CSTF3: variants seen among roughly 807,000 people sequenced by gnomAD.
CSTF3 encodes the protein CF-1 77 kDa subunit.
In CSTF3, 29 loss-of-function variants were observed where a neutral mutation model predicts 105.8. The ratio of observed to expected loss-of-function variants is 0.27; its 90% confidence interval spans 0.20 to 0.37. The LOEUF (loss-of-function observed/expected upper bound fraction) is 0.37, where lower values mean the gene tolerates loss of function less well. Among genes scored for constraint, CSTF3 ranks in the 10% least tolerant of loss-of-function variants. The pLI, the probability that CSTF3 is intolerant of heterozygous loss-of-function variation, is 1.00. For synonymous variants in CSTF3, 252 were observed against 281.9 expected, an observed-to-expected ratio of 0.89 and a Z score of 1.06; for missense variants, 357 against 879.3, an observed-to-expected ratio of 0.41 and a Z score of 7.51.
rs1462786144 is a variant in CSTF3 at position 33,085,700 on chromosome 11, TTC to T, written c.1951+11_1951+12del. On this transcript the variant is annotated intron_variant, in intron 20 of 20. Transcript: ENST00000323959. ...GTGGAATGACACTCTGAAATGGAGC[TTC>T]TGTTACTTACTATTTGGTATCTTGC... 3.1e-6 allele frequency: 5 copies of T among 1,600,068 alleles called. No individual in the cohort carries two copies. In the African/African-American group the frequency reaches 5.4e-5, roughly 17 times the overall value.
At position 33,141,873 on chromosome 11, in the gene CSTF3, A is replaced by AT. The variant is rs765273424; in HGVS notation, c.129+11dup. 3 of 1,585,262 alleles carry AT rather than the reference A, an allele frequency of 1.9e-6. No homozygotes were observed. The South Asian group carries it at 3.5e-5, about 18-fold the overall frequency. ...CCCATAGAGAAGGAAATGTAATCCT[A>AT]TATCACTAAACCTGTGCCTCTCGAA... is the stretch of plus-strand genomic sequence containing the variant. On this transcript the variant is annotated intron_variant, in intron 2 of 20. Coordinates refer to ENST00000323959, the MANE Select transcript of CSTF3 (RefSeq NM_001326.3).
chr11:33,148,860 G>GTTTTTTTTT, intron 1 of CSTF3, among the ~76,000 whole-genome samples: 1 of 133,686 alleles, frequency 7.5e-6, no homozygotes. Context: ...CTGTTGCTGT[G>GTTTTTTTTT]TTTTTTTTTT....
chr11:33,160,227 G>C (rs1849922015), intron 1 of CSTF3, among the ~76,000 whole-genome samples: 1 of 151,926 alleles, frequency 6.6e-6, no homozygotes, highest in Admixed American at 6.6e-5. Context: ...ACCAGTCCTC[G>C]GGCAAACACA....
intron 9 of CSTF3, among the ~76,000 whole-genome samples, 154 bp from the exon 10 acceptor site, chr11:33,102,493 G>A (rs1357424919): frequency 6.6e-6 from 1 of 152,112 alleles, no homozygotes; most frequent in Non-Finnish European, 1.5e-5. Context: ...AGAGTAGAGA[G>A]AAAGATAAGA....
intron 1 of CSTF3, among the ~76,000 whole-genome samples, chr11:33,143,260 T>C (rs935989805): frequency 1.3e-4 from 20 of 152,188 alleles, no homozygotes; most frequent in African/African-American, 4.6e-4. Flanking sequence ...TGATTTTTTT[T>C]CCCCTTTTCT....
intron 4 of CSTF3, 67 bp downstream of exon 4, chr11:33,108,319 T>A (rs1015288492): frequency 7.9e-7 from 1 of 1,267,810 alleles, no homozygotes; most frequent in South Asian, 1.8e-5. Context: ...TTTTACTACA[T>A]CTGTCTTATA....
chr11:33,139,953 T>C (rs557037811), intron 3 of CSTF3, among the ~76,000 whole-genome samples: 6 of 152,088 alleles, frequency 3.9e-5, no homozygotes, highest in South Asian at 2.1e-4. Flanking sequence ...AACAAACCCA[T>C]TGTGTTCAGA....
Position 33,085,126 on chromosome 11 carries a change from A to C in CSTF3, c.2115T>G (p.His705Gln), listed in dbSNP as rs746228185. 1 of 1,614,162 alleles carries C rather than the reference A, an allele frequency of 6.2e-7. No homozygotes were observed. Residue 705 changes from histidine to glutamine, a missense_variant, in exon 21 of 21, where the codon CAT (histidine) becomes CAG (glutamine). This residue lies in a region of CSTF3 where 73 missense variants were observed against 105.8 expected (regional missense o/e 0.69). Transcript: ENST00000323959. ...TCTGCTGCCGTGCTCTGTAAATGTCATGAACAGGGGGGACAACGGCTCCCT... is the reference window on the plus strand; with the variant it reads ...TCTGCTGCCGTGCTCTGTAAATGTCCTGAACAGGGGGGACAACGGCTCCCT... Reference protein sequence around the residue: ...EEKGAVVPPVHDIYRARQQKR... With the variant: ...EEKGAVVPPVQDIYRARQQKR...
intron 1 of CSTF3, among the ~76,000 whole-genome samples, chr11:33,145,730 C>T (rs1319013674): frequency 6.6e-6 from 1 of 151,786 alleles, no homozygotes; most frequent in African/African-American, 2.4e-5. Context: ...AAGAGAATAG[C>T]GTGAACCTGG....
At chr11:33,088,468 C>T (rs1463785535) in intron 17 of CSTF3, among the ~76,000 whole-genome samples, 8 of 151,890 alleles carry the variant, frequency 5.3e-5, no homozygotes, top group African/African-American at 9.7e-5. Context: ...TTAGTAGAGA[C>T]GGGGTTTCAC....
At chr11:33,152,409 G>A (rs938056682) in intron 1 of CSTF3, among the ~76,000 whole-genome samples, 1 of 152,106 alleles carries the variant, frequency 6.6e-6, no homozygotes, top group Non-Finnish European at 1.5e-5. Context: ...GACTACAGGC[G>A]TGCACCACCG....
Position 33,109,895 on chromosome 11 carries a change from C to T in CSTF3, c.226-1477G>A, listed in dbSNP as rs546647174. Among the ~76,000 whole-genome samples the T allele has an allele frequency of 1.2e-3, 179 of 152,236 alleles. 5 individuals are homozygous for T. Among genetic ancestry groups the T allele is most frequent in the Admixed American group, 3.9e-4 (6 of 15,292 alleles). ...TTTACCCTTCCTTTGAATTTTTGCT[C>T]AAGGTGTTAAAATAGTTTGTCCAGT... On this transcript the variant is annotated intron_variant, in intron 3 of 20. Transcript: ENST00000323959.
intron 20 of CSTF3, 96 bp downstream of exon 20, chr11:33,085,617 G>T (rs1031050978): frequency 1.8e-6 from 2 of 1,136,136 alleles, no homozygotes; most frequent in Non-Finnish European, 1.3e-6. Context: ...TTGGCTGGCT[G>T]GTTTCGAAAA....
intron 17 of CSTF3, among the ~76,000 whole-genome samples, chr11:33,088,941 T>G (rs1299145759): frequency 6.6e-6 from 1 of 152,232 alleles, no homozygotes; most frequent in African/African-American, 2.4e-5. Flanking sequence ...ATTAACTGCC[T>G]TAATTTTCAT....
chr11:33,122,822 G>A (rs962234155), intron 3 of CSTF3, among the ~76,000 whole-genome samples: 3 of 150,960 alleles, frequency 2.0e-5, no homozygotes, highest in Admixed American at 6.6e-5. Context: ...GGGCTGAAGT[G>A]GGGGGATTGC....
At chr11:33,101,777 G>T (rs1027980477) in intron 10 of CSTF3, among the ~76,000 whole-genome samples, 5 of 152,062 alleles carry the variant, frequency 3.3e-5, no homozygotes, top group Non-Finnish European at 4.4e-5. Context: ...GTGGTTGAAG[G>T]CCCAGATGTT....
At chr11:33,115,775 T>C (rs531934321) in intron 3 of CSTF3, among the ~76,000 whole-genome samples, 8 of 152,224 alleles carry the variant, frequency 5.3e-5, no homozygotes, top group Non-Finnish European at 1.0e-4. Flanking sequence ...TGTATTTTCA[T>C]ATTAAATATA....
chr11:33,126,177 T>C (rs1244115979), intron 3 of CSTF3, among the ~76,000 whole-genome samples: 6 of 152,142 alleles, frequency 3.9e-5, no homozygotes, highest in Admixed American at 3.9e-4. Flanking sequence ...GGTAAAAATC[T>C]GGTCAGGCAC....
intron 1 of CSTF3, among the ~76,000 whole-genome samples, chr11:33,147,314 A>C (rs2133803568): frequency 6.6e-6 from 1 of 151,876 alleles, no homozygotes; most frequent in East Asian, 1.9e-4. Flanking sequence ...AGAAAGAAAG[A>C]GGCCAGGCTT....
Sources: gnomAD v4.1 joint callset for allele counts (sites outside exome capture counted in the v4.1 genomes callset) on GRCh38, gnomAD v4.1.1 for gene constraint, gnomAD v4.1.1 regional missense constraint, MANE v1.5 for transcripts, NCBI Gene and HGNC (gene_info 2026-07-23, HGNC 2026-07-21) for gene names.